FBXL17: variants seen among roughly 807,000 people sequenced by gnomAD.
FBXL17 encodes F-box/LRR-repeat protein 17.
Under a neutral mutation model 66.2 loss-of-function variants are expected in FBXL17, and 22 were observed. That is an observed-to-expected ratio of 0.33 (90% CI 0.24 to 0.47). The LOEUF is 0.47. FBXL17 is among the 20% of genes least tolerant of loss of function. The pLI is 1.00. For missense variants in FBXL17, 878 were observed against 948.2 expected, an observed-to-expected ratio of 0.93 and a Z score of 0.97; for synonymous variants, 474 against 400.5, an observed-to-expected ratio of 1.18 and a Z score of -2.19.
At chr5:107,886,509 T>A (rs1748976196) in intron 7 of FBXL17, among the ~76,000 whole-genome samples, 1 of 152,060 alleles carries the variant, frequency 6.6e-6, no homozygotes, top group Non-Finnish European at 1.5e-5. Context: ...GAGAAATGGC[T>A]GATTCCAGGA....
intron 4 of FBXL17, among the ~76,000 whole-genome samples, chr5:108,247,793 G>A (rs1756172023): frequency 6.6e-6 from 1 of 152,116 alleles, no homozygotes; most frequent in South Asian, 2.1e-4. Context: ...TGATACTTGT[G>A]AGTGACATGA....
intron 4 of FBXL17, among the ~76,000 whole-genome samples, chr5:108,235,637 T>A (rs1755566539): frequency 6.6e-6 from 1 of 152,178 alleles, no homozygotes; most frequent in Non-Finnish European, 1.5e-5. Context: ...ACTCTTAAAA[T>A]AAAATCCAAA....
chr5:107,986,928 C>CT (rs1374193637), intron 7 of FBXL17, among the ~76,000 whole-genome samples: 7 of 151,104 alleles, frequency 4.6e-5, no homozygotes, highest in Admixed American at 2.0e-4. Context: ...TGGTTGATCA[C>CT]TTTTTTTTTC....
chr5:108,043,112 C>T (rs966559489), intron 6 of FBXL17, among the ~76,000 whole-genome samples: 10 of 152,164 alleles, frequency 6.6e-5, no homozygotes, highest in South Asian at 6.2e-4. Flanking sequence ...TTTCTATATG[C>T]GATACGTTAG....
chr5:108,347,722 G>A (rs986384259), intron 4 of FBXL17, among the ~76,000 whole-genome samples: 17 of 152,094 alleles, frequency 1.1e-4, no homozygotes, highest in Admixed American at 9.2e-4. Context: ...GATTTTTTTA[G>A]GGGTAATGAA....
At chr5:108,033,814 C>T (rs533361901) in intron 6 of FBXL17, among the ~76,000 whole-genome samples, 15 of 151,952 alleles carry the variant, frequency 9.9e-5, no homozygotes, top group South Asian at 2.1e-4. Context: ...TTCGTAAAGA[C>T]GAGTTCAACA....
At chr5:108,153,337 A>G (rs1034523054) in intron 6 of FBXL17, among the ~76,000 whole-genome samples, 4 of 152,248 alleles carry the variant, frequency 2.6e-5, no homozygotes, top group Non-Finnish European at 4.4e-5. Flanking sequence ...CTACTATTCA[A>G]CTAGGAAGCA....
chr5:107,881,456 T>G (rs1362961932), intron 7 of FBXL17, among the ~76,000 whole-genome samples: 2 of 152,182 alleles, frequency 1.3e-5, no homozygotes, highest in Non-Finnish European at 2.9e-5. Context: ...TTTCAAACAT[T>G]CAGCTCTGCA....
chr5:107,875,568 G>A (rs1048236704), intron 8 of FBXL17, among the ~76,000 whole-genome samples: 7 of 152,140 alleles, frequency 4.6e-5, no homozygotes, highest in East Asian at 1.9e-4. Context: ...CTCCTGGCTC[G>A]AAAGAGCTGA....
At chr5:108,172,183 T>C (rs551718767) in intron 6 of FBXL17, among the ~76,000 whole-genome samples, 2 of 152,364 alleles carry the variant, frequency 1.3e-5, no homozygotes, top group South Asian at 4.1e-4. Context: ...GACTTCCATC[T>C]TCATGTGATT....
chr5:108,260,030 A>C (rs1756744924), intron 4 of FBXL17, among the ~76,000 whole-genome samples: 1 of 149,504 alleles, frequency 6.7e-6, no homozygotes, highest in Admixed American at 6.9e-5. Context: ...TTAAAAAAAA[A>C]AAACAAAAAA....
At chr5:108,050,156 T>C (rs1747414409) in intron 6 of FBXL17, among the ~76,000 whole-genome samples, 1 of 152,152 alleles carries the variant, frequency 6.6e-6, no homozygotes, top group Non-Finnish European at 1.5e-5. Context: ...TTAACAACCC[T>C]CTGTCAATAT....
At chr5:107,917,637 T>C (rs1046059964) in intron 7 of FBXL17, among the ~76,000 whole-genome samples, 3 of 152,206 alleles carry the variant, frequency 2.0e-5, no homozygotes, top group African/African-American at 7.2e-5. Flanking sequence ...TATGCAAAAT[T>C]GTATGAAGAA....
At chr5:108,235,324 G>A (rs1328086940) in intron 4 of FBXL17, among the ~76,000 whole-genome samples, 1 of 152,082 alleles carries the variant, frequency 6.6e-6, no homozygotes, top group Non-Finnish European at 1.5e-5. Context: ...TTATGGAATC[G>A]ATCCAGAAAG....
At chr5:108,047,940 A>C (rs1344352511) in intron 6 of FBXL17, among the ~76,000 whole-genome samples, 2 of 152,230 alleles carry the variant, frequency 1.3e-5, no homozygotes, top group East Asian at 1.9e-4. Flanking sequence ...ACCAAGGAAC[A>C]GTCAAAGTGC....
chr5:108,304,066 C>T (rs1047779661), intron 4 of FBXL17, among the ~76,000 whole-genome samples: 2 of 151,872 alleles, frequency 1.3e-5, no homozygotes, highest in African/African-American at 4.8e-5. Flanking sequence ...ATTTACCTTT[C>T]ACAGCCCAAA....
rs552688951 is a variant in FBXL17, at chr5:108,113,891, C to T, written c.1745+72226G>A. 3.1e-4 allele frequency among the ~76,000 whole-genome samples: 47 copies of T among 152,204 alleles called. No homozygotes were observed. The South Asian group carries it at 9.8e-3, about 32-fold the overall frequency. ...GTGTAACTATTCTTCAGAAAATTGG[C>T]TTTTCAAAAGAAAATGTGCATCAGA... On this transcript the variant is annotated intron_variant, in intron 6 of 8. Transcript: ENST00000542267.
At chr5:108,340,361 G>T (rs996353435) in intron 4 of FBXL17, among the ~76,000 whole-genome samples, 26 of 150,810 alleles carry the variant, frequency 1.7e-4, no homozygotes, top group South Asian at 6.3e-4. Flanking sequence ...GACCAGCCTG[G>T]GCAATATAGT....
At chr5:107,947,788 G>A (rs1211647764) in intron 7 of FBXL17, among the ~76,000 whole-genome samples, 1 of 152,106 alleles carries the variant, frequency 6.6e-6, no homozygotes, top group African/African-American at 2.4e-5. Flanking sequence ...ACTCTAAAAC[G>A]AGTGGCTTAG....
Sources: allele counts gnomAD v4.1 joint callset (sites outside exome capture counted in the v4.1 genomes callset), GRCh38; gene constraint gnomAD v4.1.1; transcripts MANE v1.5; gene names NCBI Gene and HGNC (gene_info 2026-07-23, HGNC 2026-07-21).